KDM4C: variants seen among roughly 807,000 people sequenced by gnomAD.
The protein encoded by KDM4C is lysine-specific demethylase 4C.
A neutral mutation model predicts 129.3 loss-of-function variants in KDM4C; 81 were observed. That is an observed-to-expected ratio of 0.63 (90% CI 0.52 to 0.75). The LOEUF (loss-of-function observed/expected upper bound fraction) is 0.75. Among genes scored for constraint, KDM4C ranks in the 30% least tolerant of loss-of-function variants. KDM4C has a pLI of 0.00. For synonymous variants in KDM4C, 573 were observed against 456.1 expected, an observed-to-expected ratio of 1.26 and a Z score of -3.26; for missense variants, 1,457 against 1,304.0, an observed-to-expected ratio of 1.12 and a Z score of -1.81.
rs141216456 is a variant in KDM4C at position 6,925,420 on chromosome 9, C to G, written c.921+32188C>G. 1.8e-3 allele frequency: 1,742 copies of G among 966,242 alleles called. 20 individuals carry two copies. The African/African-American group carries it at 0.029, about 16-fold the overall frequency. The allele number at this position is 966,242 out of a possible 1,614,324, so 59.9% of individuals were successfully genotyped here. Reference sequence around the variant, plus strand: ...TTTCTTTCCTTCCCTTTCCCTTTCCCCTTCCTCCTTTCCCCTTTTCCTCTT... The same window carrying G: ...TTTCTTTCCTTCCCTTTCCCTTTCCGCTTCCTCCTTTCCCCTTTTCCTCTT... On this transcript the variant is annotated intron_variant, in intron 8 of 21. Transcript: ENST00000381309.
Position 6,805,231 on chromosome 9 carries a change from T to A in KDM4C, c.145-368T>A, listed in dbSNP as rs551926179. On this transcript the variant is annotated intron_variant, in intron 2 of 21. Coordinates refer to ENST00000381309, the MANE Select transcript of KDM4C (RefSeq NM_015061.6). ...TCTATTGAGAGGCAGGTTAACATAA[T>A]CGCTCAGTGTGAATTCAAACTGTTT... 2.4e-4 allele frequency among the ~76,000 whole-genome samples: 36 copies of A among 152,322 alleles called. No homozygotes were observed. In the South Asian group the frequency reaches 7.0e-3, roughly 30 times the overall value.
At chr9:7,127,332 C>G (rs1011054071) in intron 18 of KDM4C, among the ~76,000 whole-genome samples, 4 of 152,190 alleles carry the variant, frequency 2.6e-5, no homozygotes, top group Non-Finnish European at 5.9e-5. Flanking sequence ...ATACTTTGAT[C>G]AGGATCAAAA....
chr9:7,165,109 C>A, intron 19 of KDM4C, 129 bp from the exon 20 acceptor site: 4 of 1,092,088 alleles, frequency 3.7e-6, no homozygotes, highest in Non-Finnish European at 5.2e-6. Flanking sequence ...AACACCCATG[C>A]GAGATCATAA....
chr9:6,886,973 A>G (rs1845393383), intron 6 of KDM4C, among the ~76,000 whole-genome samples: 1 of 152,230 alleles, frequency 6.6e-6, no homozygotes, highest in Admixed American at 6.5e-5. Flanking sequence ...GTTAGATGTC[A>G]CATTTCCAGC....
At chr9:6,865,091 C>A (rs1017744219) in intron 5 of KDM4C, among the ~76,000 whole-genome samples, 1 of 150,174 alleles carries the variant, frequency 6.7e-6, no homozygotes. Context: ...TCACTGCAAG[C>A]TCTGCCTCCC....
intron 8 of KDM4C, among the ~76,000 whole-genome samples, chr9:6,912,046 C>T (rs143510674): frequency 5.3e-5 from 8 of 152,284 alleles, no homozygotes; most frequent in African/African-American, 1.7e-4. Flanking sequence ...GAAGGTTTCT[C>T]CCAGGAGGTT....
At chr9:6,987,785 A>T (rs566958927) in intron 11 of KDM4C, among the ~76,000 whole-genome samples, 2 of 152,100 alleles carry the variant, frequency 1.3e-5, no homozygotes, top group African/African-American at 4.8e-5. Context: ...TATGAAAGAT[A>T]AAAAAAATAT....
At chr9:6,991,321 C>G (rs1818706440) in intron 12 of KDM4C, among the ~76,000 whole-genome samples, 1 of 152,078 alleles carries the variant, frequency 6.6e-6, no homozygotes, top group Non-Finnish European at 1.5e-5. Flanking sequence ...TGAGCTCAAG[C>G]ATTTCTCCTG....
intron 17 of KDM4C, among the ~76,000 whole-genome samples, chr9:7,087,784 A>G (rs944536835): frequency 2.0e-5 from 3 of 152,218 alleles, no homozygotes. Flanking sequence ...TTAGAGATAC[A>G]TGTTTTATTT....
intron 5 of KDM4C, among the ~76,000 whole-genome samples, chr9:6,856,073 C>T (rs1203144117): frequency 6.6e-6 from 1 of 152,038 alleles, no homozygotes; most frequent in Admixed American, 6.6e-5. Flanking sequence ...GCCTCTAGTG[C>T]CTGGCACAGC....
At chr9:6,944,582 T>G (rs1448851855) in intron 8 of KDM4C, among the ~76,000 whole-genome samples, 1 of 151,352 alleles carries the variant, frequency 6.6e-6, no homozygotes, top group Non-Finnish European at 1.5e-5. Flanking sequence ...GGATAAAAAT[T>G]TAACTTGAAT....
intron 5 of KDM4C, among the ~76,000 whole-genome samples, chr9:6,852,940 A>G (rs1174240110): frequency 1.3e-5 from 2 of 151,754 alleles, no homozygotes; most frequent in African/African-American, 2.4e-5. Context: ...CCCTCCTGCC[A>G]TCTCCCTCAT....
intron 11 of KDM4C, among the ~76,000 whole-genome samples, chr9:6,988,548 G>T (rs1033873300): frequency 6.6e-6 from 1 of 152,100 alleles, no homozygotes; most frequent in African/African-American, 2.4e-5. Flanking sequence ...CTTAATTTTT[G>T]TGTAGTTTTG....
intron 1 of KDM4C, among the ~76,000 whole-genome samples, chr9:6,766,351 T>A (rs1820622691): frequency 6.6e-6 from 1 of 152,138 alleles, no homozygotes; most frequent in South Asian, 2.1e-4. Context: ...AACTTATGTA[T>A]GATAATCGTA....
chr9:7,128,108 G>T lies in KDM4C; in HGVS notation c.2653G>T (p.Val885Phe). ...GAAGGTCATTTCCGTGGGTCAAACG[G>T]TCATCACGAAGCATCGGAACACCCG... is the stretch of plus-strand genomic sequence containing the variant. ...CEKVISVGQT[V>F]ITKHRNTRYY... Residue 885 changes from valine to phenylalanine, a missense_variant, in exon 19 of 22, where the codon GTC becomes TTC. Physicochemically the swap from Val to Phe is conservative, Grantham distance 50 (BLOSUM62 -1). Transcript: ENST00000381309. 1 of 1,609,124 alleles carries T rather than the reference G, an allele frequency of 6.2e-7. No individual in the cohort carries two copies. The highest frequency in any genetic ancestry group is 8.5e-7 in the Non-Finnish European group (1 of 1,178,010).
chr9:7,048,122 A>G (rs907207872), intron 16 of KDM4C, among the ~76,000 whole-genome samples: 1 of 152,096 alleles, frequency 6.6e-6, no homozygotes, highest in Non-Finnish European at 1.5e-5. Context: ...TAGTTCTTGG[A>G]TATTGCACTG....
intron 8 of KDM4C, 39 bp downstream of exon 8, chr9:6,893,271 G>A (rs753974539): frequency 1.1e-5 from 17 of 1,556,998 alleles, no homozygotes; most frequent in South Asian, 5.8e-5. Flanking sequence ...AATTAAATGT[G>A]TATTCTGGTT....
intron 8 of KDM4C, among the ~76,000 whole-genome samples, chr9:6,949,268 C>T (rs878981112): frequency 8.0e-5 from 12 of 150,338 alleles, no homozygotes; most frequent in African/African-American, 2.9e-4. Flanking sequence ...CGGGCAGAGG[C>T]GCTCCTCACA....
chr9:6,853,361 T>C (rs909793515), intron 5 of KDM4C, among the ~76,000 whole-genome samples: 19 of 151,900 alleles, frequency 1.3e-4, no homozygotes, highest in African/African-American at 4.6e-4. Context: ...TCATAGTGGC[T>C]CACGCCTGTA....
Sources: gnomAD v4.1 joint callset for allele counts (sites outside exome capture counted in the v4.1 genomes callset) on GRCh38, gnomAD v4.1.1 for gene constraint, MANE v1.5 for transcripts, NCBI Gene and HGNC (gene_info 2026-07-23, HGNC 2026-07-21) for gene names.